The following PERP variants were observed in gnomAD, a reference collection of about 807,000 sequenced individuals.
The protein encoded by PERP is p53 apoptosis effector related to PMP-22.
A neutral mutation model predicts 20.3 loss-of-function variants in PERP; 11 were observed. The ratio of observed to expected loss-of-function variants is 0.54; its 90% CI spans 0.34 to 0.90. The LOEUF is 0.90. Among genes scored for constraint, PERP ranks in the 40% least tolerant of loss-of-function variants. The pLI is 0.02. For synonymous variants in PERP, 101 were observed against 102.0 expected (o/e 0.99, Z 0.06); for missense variants, 224 against 249.4 (o/e 0.90, Z 0.69).
In PERP at chr6:138,096,233, T is replaced by C; in HGVS notation, c.355+121A>G. 7 of 1,275,532 alleles carry C rather than the reference T, an allele frequency of 5.5e-6. 1 individual carries two copies. In the South Asian group the frequency reaches 1.1e-4, roughly 20 times the overall value. 79.0% of individuals were successfully genotyped at this position (1,275,532 alleles called of 1,614,324 possible). A position where few individuals can be genotyped will look rare whatever the true frequency, so the allele number is the denominator to read the frequency against. On this transcript the variant is annotated intron_variant, in intron 2 of 2. Transcript: ENST00000421351. The stretch of plus-strand genomic sequence containing the variant: ...TCCTCTGTTACTTCTGCCCTGGTGA[T>C]ACATTTTCCGAGAACAGATTAGAAA...
In PERP at chr6:138,096,489, C is replaced by T; in HGVS notation, c.220G>A (p.Gly74Ser). 1 of 1,607,022 alleles carries T rather than the reference C, an allele frequency of 6.2e-7. No homozygotes were observed. Among genetic ancestry groups the T allele is most frequent in the Non-Finnish European group, 8.5e-7 (1 of 1,177,586 alleles). The stretch of plus-strand genomic sequence containing the variant: ...AAGAGCATGGCAGCCGCTGCTCTAC[C>T]CCACGCTGCAAGAAAAAAAGAAACA... ...GCQSLMEYAWGRAAAAMLFCG... is the reference protein window; with the variant it reads ...GCQSLMEYAWSRAAAAMLFCG... The change falls in exon 2 of 3, where the codon GGT becomes AGT. Residue 74 changes from glycine (G) to serine (S), a missense_variant. Gly to Ser is a moderately conservative substitution (Grantham distance 56). Transcript: ENST00000421351.
In PERP at chr6:138,107,146, A is replaced by G; in HGVS notation, c.195T>C (p.Cys65=). 3 of 1,609,812 alleles carry G rather than the reference A, an allele frequency of 1.9e-6. No individual in the cohort carries two copies. Among genetic ancestry groups the G allele is most frequent in the Admixed American group, 1.7e-5 (1 of 59,936 alleles). Residue 65 remains cysteine (C), a synonymous_variant, in exon 1 of 3, where the codon TGT becomes TGC. Transcript: ENST00000421351. The surrounding 1 kb of genome is among the most constrained non-coding windows in gnomAD (Gnocchi z 4.8). ...ACTCACCGTACTCCATGAGGCTCTGACAGCCCTCCTCGTAGGACCCGCTGC... is the reference window on the plus strand; with the variant it reads ...ACTCACCGTACTCCATGAGGCTCTGGCAGCCCTCCTCGTAGGACCCGCTGC... ...GGGSGSYEEG[C]QSLMEYAWGR...
chr6:138,106,282 A>T (rs1775839545), intron 1 of PERP, among the ~76,000 whole-genome samples: 1 of 151,840 alleles, frequency 6.6e-6, no homozygotes. Context: ...ATTCCCATCC[A>T]CCCCCAGGAA....
rs563490711 is a variant in PERP, at chr6:138,088,947, G to C, written c.*3095C>G. 21 of 152,276 alleles carry C rather than the reference G, an allele frequency of 1.4e-4. No homozygotes were observed. Among genetic ancestry groups the C allele is most frequent in the African/African-American group, 4.1e-4 (17 of 41,550 alleles). The allele number at this position is 152,276 out of a possible 1,614,324, so 9.4% of individuals were successfully genotyped here. On this transcript the variant is annotated 3_prime_UTR_variant, in exon 3 of 3. Coordinates refer to ENST00000421351, the MANE Select transcript of PERP (RefSeq NM_022121.5). ...GTGAGGAAGAGGGAATTTAAAAGAG[G>C]AAGTTGGGACTGAATCTATTCGTTC...
At chr6:138,098,778 TCA>T (rs1276820045) in intron 1 of PERP, among the ~76,000 whole-genome samples, 1 of 152,170 alleles carries the variant, frequency 6.6e-6, no homozygotes, top group Non-Finnish European at 1.5e-5. Context: ...AACACTGTTT[TCA>T]CACAAATTAG....
At chr6:138,092,475 T>C (rs1030819987) in intron 2 of PERP, among the ~76,000 whole-genome samples, 2 of 152,138 alleles carry the variant, frequency 1.3e-5, no homozygotes, top group Non-Finnish European at 2.9e-5. Context: ...CTGAGCAGCA[T>C]CACACACATA....
chr6:138,101,158 C>T (rs1172057195), intron 1 of PERP, among the ~76,000 whole-genome samples: 2 of 152,140 alleles, frequency 1.3e-5, no homozygotes, highest in African/African-American at 2.4e-5. Flanking sequence ...CACGTGAGGT[C>T]GGGAGTTCGA....
At chr6:138,100,891 C>T (rs2114340524) in intron 1 of PERP, among the ~76,000 whole-genome samples, 1 of 152,252 alleles carries the variant, frequency 6.6e-6, no homozygotes, top group South Asian at 2.1e-4. Context: ...AAATCAAGAA[C>T]ACGGAAACCA....
intron 2 of PERP, among the ~76,000 whole-genome samples, chr6:138,095,230 A>C (rs966748241): frequency 1.4e-4 from 22 of 152,346 alleles, no homozygotes; most frequent in Admixed American, 4.6e-4. Context: ...ATATTATTCA[A>C]AAAGCAAACT....
chr6:138,093,643 AT>A (rs779679513), intron 2 of PERP, among the ~76,000 whole-genome samples: 16 of 152,216 alleles, frequency 1.1e-4, no homozygotes, highest in Middle Eastern at 3.2e-3. Flanking sequence ...AGTAATAAAT[AT>A]TAAATATTGC....
intron 1 of PERP, among the ~76,000 whole-genome samples, chr6:138,098,742 G>A (rs1226586956): frequency 2.6e-5 from 4 of 151,996 alleles, no homozygotes; most frequent in African/African-American, 9.7e-5. Context: ...GATTATTAAG[G>A]AGATAAAACA....
intron 1 of PERP, among the ~76,000 whole-genome samples, chr6:138,099,296 A>T (rs910939394): frequency 2.0e-5 from 3 of 152,202 alleles, no homozygotes; most frequent in Non-Finnish European, 2.9e-5. Context: ...GGATCATATA[A>T]CTTTAAGTAT....
chr6:138,107,283 G>A lies in PERP; in HGVS notation c.58C>T (p.Leu20Phe), dbSNP rs1322913925. 6.2e-7 allele frequency: 1 copy of A among 1,610,642 alleles called. No homozygotes were observed. Among genetic ancestry groups the A allele is most frequent in the Non-Finnish European group, 8.5e-7 (1 of 1,179,534 alleles). Reference protein sequence around the residue: ...RCRWILPLLLLSAIAFDIIAL... With the variant: ...RCRWILPLLLFSAIAFDIIAL... ...ATGATGTCGAAGGCGATGGCGCTGAGTAGGAGCAGGGGCAGGATCCAGCGG... is the reference window on the plus strand; with the variant it reads ...ATGATGTCGAAGGCGATGGCGCTGAATAGGAGCAGGGGCAGGATCCAGCGG... The change falls in exon 1 of 3, where the codon CTC becomes TTC. Residue 20 changes from leucine to phenylalanine, a missense_variant. Coordinates refer to ENST00000421351, the MANE Select transcript of PERP (RefSeq NM_022121.5). The surrounding 1 kb of genome is among the most constrained non-coding windows in gnomAD (Gnocchi z 4.8).
At chr6:138,106,043 G>A (rs1775835498) in intron 1 of PERP, among the ~76,000 whole-genome samples, 2 of 152,116 alleles carry the variant, frequency 1.3e-5, no homozygotes, top group South Asian at 4.1e-4. Flanking sequence ...TAGTCCCCCG[G>A]AAACACAAAT....
chr6:138,091,467 C>G lies in PERP; in HGVS notation c.*575G>C, dbSNP rs1189118030. ...GATGACATATCGAGTCAACATGAAG[C>G]CTTAGCTAAAATGAATGATTCAGGA... On this transcript the variant is annotated 3_prime_UTR_variant, in exon 3 of 3. Coordinates refer to ENST00000421351, the MANE Select transcript of PERP (RefSeq NM_022121.5). 3 of 152,230 alleles carry G rather than the reference C, an allele frequency of 2.0e-5. No homozygotes were observed. Among genetic ancestry groups the G allele is most frequent in the African/African-American group, 7.2e-5 (3 of 41,416 alleles). 9.4% of individuals were successfully genotyped at this position (152,230 alleles called of 1,614,324 possible).
intron 2 of PERP, among the ~76,000 whole-genome samples, chr6:138,093,687 TC>T (rs1775625567): frequency 6.6e-6 from 1 of 152,180 alleles, no homozygotes; most frequent in Admixed American, 6.5e-5. Flanking sequence ...ATATATGAAG[TC>T]CTTATAACAG....
Position 138,107,004 on chromosome 6 carries a change from A to T in PERP, c.214+123T>A. The T allele has an allele frequency of 2.1e-6, 2 of 961,540 alleles. No individual in the cohort carries two copies. The highest frequency in any genetic ancestry group is 3.0e-6 in the Non-Finnish European group (2 of 671,138). The allele number at this position is 961,540 out of a possible 1,614,324, so 59.6% of individuals were successfully genotyped here. A position where few individuals can be genotyped will look rare whatever the true frequency, so the allele number is the denominator to read the frequency against. ...GCATGAGCCCGAGCTCGTCCTAAAC[A>T]GGCATTCTGAAAAGCACTGGCTCCC... On this transcript the variant is annotated intron_variant, in intron 1 of 2. Coordinates refer to ENST00000421351, the MANE Select transcript of PERP (RefSeq NM_022121.5). This position sits in a 1 kb window ranked among gnomAD's most constrained non-coding sequence, Gnocchi z 4.8.
At chr6:138,098,879 T>G (rs889553032) in intron 1 of PERP, among the ~76,000 whole-genome samples, 1 of 152,236 alleles carries the variant, frequency 6.6e-6, no homozygotes, top group African/African-American at 2.4e-5. Context: ...TAGCTCTTCC[T>G]GTCAGACCAC....
In PERP at chr6:138,089,237, C is replaced by T. The variant is rs1775541026; in HGVS notation, c.*2805G>A. The stretch of plus-strand genomic sequence containing the variant: ...AAAAACAAGTCAGTGTTCACATTTA[C>T]TGTATTAATAGGAATGTCTTTCAGG... On this transcript the variant is annotated 3_prime_UTR_variant, in exon 3 of 3. Transcript: ENST00000421351. The T allele has an allele frequency of 1.3e-5, 2 of 150,398 alleles. No homozygotes were observed. Among genetic ancestry groups the T allele is most frequent in the African/African-American group, 4.9e-5 (2 of 40,880 alleles). 9.3% of individuals were successfully genotyped at this position (150,398 alleles called of 1,614,324 possible).
Sources: gnomAD v4.1 joint callset for allele counts (sites outside exome capture counted in the v4.1 genomes callset) on GRCh38, gnomAD v4.1.1 for gene constraint, Gnocchi (gnomAD v3.1) non-coding constraint, MANE v1.5 for transcripts, NCBI Gene and HGNC (gene_info 2026-07-23, HGNC 2026-07-21) for gene names.